PDZRN3: variants seen among roughly 807,000 people sequenced by gnomAD.
PDZRN3 encodes E3 ubiquitin-protein ligase PDZRN3.
In PDZRN3, 38 loss-of-function variants were observed where a neutral mutation model predicts 85.7. The observed-to-expected ratio is 0.44, with a 90% CI of 0.34 to 0.58. The LOEUF is 0.58. PDZRN3 is among the 20% of genes least tolerant of loss of function. The probability of loss-of-function intolerance (pLI) is 0.01; values close to 1 mark genes in which losing one functional copy is unlikely to be tolerated. For missense variants in PDZRN3, 1,629 were observed against 1,506.4 expected (o/e 1.08, Z -1.35); for synonymous variants, 759 against 638.0 (o/e 1.19, Z -2.86).
chr3:73,508,462 A>G (rs757084812), intron 3 of PDZRN3, among the ~76,000 whole-genome samples: 12 of 152,132 alleles, frequency 7.9e-5, no homozygotes, highest in Admixed American at 1.3e-4. Flanking sequence ...GTGATGGCCA[A>G]TTTCACCTTG....
chr3:73,601,003 C>T (rs1268885721), intron 3 of PDZRN3, among the ~76,000 whole-genome samples: 1 of 152,166 alleles, frequency 6.6e-6, no homozygotes. Flanking sequence ...TAATAATGTC[C>T]TTAAAACAAA....
intron 3 of PDZRN3, among the ~76,000 whole-genome samples, chr3:73,412,066 A>G (rs1285448538): frequency 6.6e-6 from 1 of 152,234 alleles, no homozygotes; most frequent in Non-Finnish European, 1.5e-5. Flanking sequence ...TGGGAGAGGC[A>G]TGCTTTAAGT....
intron 3 of PDZRN3, among the ~76,000 whole-genome samples, chr3:73,453,438 A>G (rs892951738): frequency 2.0e-5 from 3 of 147,866 alleles, no homozygotes; most frequent in African/African-American, 4.9e-5. Flanking sequence ...AAAAAAAAAC[A>G]AAGAAAGAAG....
At chr3:73,572,238 G>T (rs938568368) in intron 3 of PDZRN3, among the ~76,000 whole-genome samples, 32 of 152,150 alleles carry the variant, frequency 2.1e-4, no homozygotes, top group African/African-American at 7.7e-4. Context: ...TTTAATGTGT[G>T]GTCACAAGGA....
chr3:73,622,767 A>G (rs1183000593), intron 1 of PDZRN3, among the ~76,000 whole-genome samples: 1 of 152,230 alleles, frequency 6.6e-6, no homozygotes, highest in Non-Finnish European at 1.5e-5. Context: ...GACAAGTTAT[A>G]TAACTTCTCT....
At chr3:73,447,454 G>A (rs1051998731) in intron 3 of PDZRN3, among the ~76,000 whole-genome samples, 4 of 151,922 alleles carry the variant, frequency 2.6e-5, no homozygotes, top group East Asian at 1.9e-4. Context: ...TTGCTGACAC[G>A]TTCCTCCATA....
At chr3:73,461,059 G>A (rs557560773) in intron 3 of PDZRN3, among the ~76,000 whole-genome samples, 4 of 152,204 alleles carry the variant, frequency 2.6e-5, no homozygotes, top group South Asian at 4.2e-4. Context: ...CTCCCAAAGT[G>A]CTGGGATTAC....
In PDZRN3 at chr3:73,608,715, T is replaced by C. The variant is rs762946005; in HGVS notation, c.724-31A>G. On this transcript the variant is annotated intron_variant, in intron 1 of 9. Coordinates refer to ENST00000263666, the MANE Select transcript of PDZRN3 (RefSeq NM_015009.3). ...GGTAACAAATGAGATCAAACTTTTATTTACCAACAGGGAATAGATGGTAGG... is the reference window on the plus strand; with the variant it reads ...GGTAACAAATGAGATCAAACTTTTACTTACCAACAGGGAATAGATGGTAGG... 3.7e-6 allele frequency: 5 copies of C among 1,365,928 alleles called. No homozygotes were observed. The East Asian group carries it at 9.5e-5, about 26-fold the overall frequency. 84.6% of individuals were successfully genotyped at this position (1,365,928 alleles called of 1,614,324 possible).
In PDZRN3 at chr3:73,383,879, G is replaced by T. The variant is rs560009760; in HGVS notation, c.2687C>A (p.Ala896Glu). 2.5e-6 allele frequency: 4 copies of T among 1,613,416 alleles called. No individual in the cohort carries two copies. In the Admixed American group the frequency reaches 5.0e-5, roughly 20 times the overall value. The change falls in exon 10 of 10, where the codon GCG (alanine) becomes GAG (glutamate). Residue 896 changes from alanine to glutamate, a missense_variant. Ala to Glu is a moderately radical substitution (Grantham distance 107). Coordinates refer to ENST00000263666, the MANE Select transcript of PDZRN3 (RefSeq NM_015009.3). ...LIQQKSAVEY[A>E]QSQMSLVSMC... ...GCTCACCAGGCTCATCTGGCTTTGC[G>T]CGTACTCCACGGCCGACTTCTGCTG...
chr3:73,425,490 C>T (rs559708954), intron 3 of PDZRN3, among the ~76,000 whole-genome samples: 7 of 151,900 alleles, frequency 4.6e-5, no homozygotes, highest in African/African-American at 9.7e-5. Flanking sequence ...ACTGCCCTAG[C>T]GGAATTTTTC....
chr3:73,532,507 G>A (rs536639626), intron 3 of PDZRN3, among the ~76,000 whole-genome samples: 1 of 152,332 alleles, frequency 6.6e-6, no homozygotes, highest in East Asian at 1.9e-4. Context: ...CGTTCCTTGA[G>A]TCATCTCACT....
intron 3 of PDZRN3, among the ~76,000 whole-genome samples, chr3:73,439,485 T>C (rs531610227): frequency 1.3e-5 from 2 of 152,306 alleles, no homozygotes; most frequent in East Asian, 3.9e-4. Flanking sequence ...TGAACCCTCA[T>C]CCTTGTCAAA....
At chr3:73,439,439 A>C (rs1702591186) in intron 3 of PDZRN3, among the ~76,000 whole-genome samples, 1 of 152,180 alleles carries the variant, frequency 6.6e-6, no homozygotes, top group African/African-American at 2.4e-5. Flanking sequence ...AGAGAGCCCA[A>C]ATCACAATCT....
rs575496430 is a variant in PDZRN3 at position 73,391,589 on chromosome 3, G to A, written c.1255-473C>T. On this transcript the variant is annotated intron_variant, in intron 5 of 9. Transcript: ENST00000263666. ...TTACACATAAATTGATCCAAGAAAG[G>A]AGGGTAATGTGATAGCGTGCAATTA... 1.4e-4 allele frequency among the ~76,000 whole-genome samples: 22 copies of A among 152,324 alleles called. No homozygotes were observed. In the South Asian group the frequency reaches 4.3e-3, roughly 30 times the overall value.
intron 3 of PDZRN3, among the ~76,000 whole-genome samples, chr3:73,445,659 A>G (rs1341565672): frequency 6.6e-6 from 1 of 152,264 alleles, no homozygotes; most frequent in Non-Finnish European, 1.5e-5. Flanking sequence ...TGGCAATACT[A>G]ATTTTTTAAC....
intron 3 of PDZRN3, among the ~76,000 whole-genome samples, chr3:73,535,077 C>T (rs548413233): frequency 7.2e-5 from 11 of 152,126 alleles, no homozygotes; most frequent in African/African-American, 2.4e-4. Flanking sequence ...AGGACCATCA[C>T]CTGGGTCTGC....
At chr3:73,452,575 G>A (rs532672124) in intron 3 of PDZRN3, among the ~76,000 whole-genome samples, 76 of 152,276 alleles carry the variant, frequency 5.0e-4, no homozygotes, top group African/African-American at 1.8e-3. Context: ...TCCTGGCTGG[G>A]CCAGGCTTCC....
chr3:73,624,565 G>C lies in PDZRN3; in HGVS notation c.261C>G (p.Arg87=). The stretch of plus-strand genomic sequence containing the variant: ...GCAGCTTGACCACCCGGCCGCAGCC[G>C]CGCGTCGCGTACGCGCACTTGATGT... The part of the protein sequence containing the change: ...KLDIKCAYAT[R]GCGRVVKLQQ... Residue 87 remains arginine (R), a synonymous_variant, in exon 1 of 10, where the codon CGC becomes CGG. Transcript: ENST00000263666. The C allele has an allele frequency of 2.0e-6, 3 of 1,533,200 alleles. No homozygotes were observed. The highest frequency in any genetic ancestry group is 1.4e-5 in the African/African-American group (1 of 69,882). The allele number at this position is 1,533,200 out of a possible 1,614,324, so 95.0% of individuals were successfully genotyped here.
At chr3:73,523,055 C>T (rs1704410897) in intron 3 of PDZRN3, among the ~76,000 whole-genome samples, 2 of 152,234 alleles carry the variant, frequency 1.3e-5, no homozygotes, top group Non-Finnish European at 2.9e-5. Flanking sequence ...AGAAGTCTCG[C>T]TCTGTCGCCC....
Sources: gnomAD v4.1 joint callset for allele counts (sites outside exome capture counted in the v4.1 genomes callset) on GRCh38, gnomAD v4.1.1 for gene constraint, MANE v1.5 for transcripts, NCBI Gene and HGNC (gene_info 2026-07-23, HGNC 2026-07-21) for gene names.